The following TMEM108 variants were observed in gnomAD, a reference collection of about 807,000 sequenced individuals.
TMEM108 encodes transmembrane protein 108.
TMEM108 carries 12 observed loss-of-function variants against 35.1 expected under a neutral mutation model. That is an observed-to-expected ratio of 0.34 (90% CI 0.22 to 0.55). TMEM108 has a LOEUF of 0.55. Ranked by LOEUF, TMEM108 falls within the 20% of genes least tolerant of loss-of-function variation. The pLI is 0.89. For synonymous variants in TMEM108, 287 were observed against 308.6 expected (o/e 0.93, Z 0.73); for missense variants, 680 against 753.3 (o/e 0.90, Z 1.14).
At chr3:133,111,441 T>C (rs1944222635) in intron 2 of TMEM108, among the ~76,000 whole-genome samples, 1 of 152,138 alleles carries the variant, frequency 6.6e-6, no homozygotes, top group African/African-American at 2.4e-5. Flanking sequence ...ATCATGAGTC[T>C]CTTTAATTAG....
At chr3:133,248,414 C>T (rs536534649) in intron 3 of TMEM108, 17 of 152,298 alleles carry the variant, frequency 1.1e-4, no homozygotes, top group African/African-American at 3.6e-4. Flanking sequence ...CCCAGAGCTT[C>T]GGTAGGCACC....
intron 2 of TMEM108, among the ~76,000 whole-genome samples, chr3:133,190,259 C>CAAGGTA (rs1260684171): frequency 6.6e-6 from 1 of 152,096 alleles, no homozygotes; most frequent in African/African-American, 2.4e-5. Context: ...GGCTAATGTC[C>CAAGGTA]AAGGTAAAGG....
intron 2 of TMEM108, among the ~76,000 whole-genome samples, chr3:133,103,341 C>G (rs1325043926): frequency 6.6e-6 from 1 of 152,068 alleles, no homozygotes; most frequent in Non-Finnish European, 1.5e-5. Flanking sequence ...GAACAGAAAA[C>G]CAAATACCGC....
At chr3:133,347,516 T>A (rs1418164149) in intron 3 of TMEM108, among the ~76,000 whole-genome samples, 1 of 152,118 alleles carries the variant, frequency 6.6e-6, no homozygotes, top group African/African-American at 2.4e-5. Flanking sequence ...AGTTCCAGTA[T>A]TTTTTGTTGT....
intron 2 of TMEM108, among the ~76,000 whole-genome samples, chr3:133,070,201 A>G (rs1293912256): frequency 2.0e-5 from 3 of 152,082 alleles, no homozygotes; most frequent in South Asian, 2.1e-4. Context: ...TAATTCAAAC[A>G]TTTTGATAGC....
At chr3:133,356,536 C>A (rs141084296) in intron 3 of TMEM108, among the ~76,000 whole-genome samples, 1 of 152,134 alleles carries the variant, frequency 6.6e-6, no homozygotes, top group Admixed American at 6.6e-5. Flanking sequence ...GCAAAAAGAA[C>A]AGATCTGGAG....
intron 2 of TMEM108, among the ~76,000 whole-genome samples, chr3:133,097,761 A>C (rs1473637049): frequency 1.3e-5 from 2 of 152,206 alleles, no homozygotes; most frequent in Admixed American, 1.3e-4. Flanking sequence ...TTTGAGGATG[A>C]GGTCTATTAG....
chr3:133,379,082 G>A (rs1167653316), intron 3 of TMEM108, among the ~76,000 whole-genome samples: 3 of 152,120 alleles, frequency 2.0e-5, no homozygotes, highest in Non-Finnish European at 4.4e-5. Context: ...CTTATTTTAG[G>A]ATTGTTTGTG....
chr3:133,307,855 T>C (rs2071065824), intron 3 of TMEM108, among the ~76,000 whole-genome samples: 1 of 152,186 alleles, frequency 6.6e-6, no homozygotes, highest in African/African-American at 2.4e-5. Context: ...CCTTTTTTGG[T>C]TTCATATGAA....
chr3:133,067,445 C>G (rs879572647), intron 2 of TMEM108, among the ~76,000 whole-genome samples: 2 of 152,148 alleles, frequency 1.3e-5, no homozygotes, highest in Non-Finnish European at 2.9e-5. Flanking sequence ...CTCTCTTGTC[C>G]CTGAAGTTTT....
chr3:133,111,681 C>G (rs1467159036), intron 2 of TMEM108, among the ~76,000 whole-genome samples: 1 of 152,084 alleles, frequency 6.6e-6, no homozygotes, highest in Non-Finnish European at 1.5e-5. Flanking sequence ...AGAAACAGGG[C>G]AAAGAATACA....
chr3:133,218,486 A>G (rs1945941169), intron 2 of TMEM108, among the ~76,000 whole-genome samples: 1 of 151,936 alleles, frequency 6.6e-6, no homozygotes, highest in Non-Finnish European at 1.5e-5. Context: ...CCTGATCTTA[A>G]AGGAAAAGCT....
intron 3 of TMEM108, among the ~76,000 whole-genome samples, chr3:133,254,619 G>GA (rs1482815461): frequency 3.3e-5 from 5 of 151,376 alleles, no homozygotes; most frequent in East Asian, 1.9e-4. Flanking sequence ...AGGGAGAGGA[G>GA]AAAAAAAAGA....
At chr3:133,282,402 G>C (rs534016533) in intron 3 of TMEM108, among the ~76,000 whole-genome samples, 1 of 152,316 alleles carries the variant, frequency 6.6e-6, no homozygotes, top group Admixed American at 6.5e-5. Flanking sequence ...GCTCCCTGCT[G>C]GATTCCAGAG....
At chr3:133,202,432 A>C (rs746191286) in intron 2 of TMEM108, among the ~76,000 whole-genome samples, 1 of 152,046 alleles carries the variant, frequency 6.6e-6, no homozygotes, top group Non-Finnish European at 1.5e-5. Context: ...TTAGGTCTAA[A>C]ACTTAAGTCT....
chr3:133,166,164 G>T (rs528534465), intron 2 of TMEM108, among the ~76,000 whole-genome samples: 1 of 152,324 alleles, frequency 6.6e-6, no homozygotes, highest in East Asian at 1.9e-4. Flanking sequence ...TAAAAACCTT[G>T]TGACAATTAA....
Position 133,380,561 on chromosome 3 carries a change from G to A in TMEM108, c.850G>A (p.Ala284Thr), listed in dbSNP as rs1298588274. The A allele has an allele frequency of 3.1e-6, 5 of 1,613,704 alleles. No homozygotes were observed. In the Admixed American group the frequency reaches 6.7e-5, roughly 22 times the overall value. Residue 284 changes from alanine (A) to threonine (T), a missense_variant, in exon 4 of 6, where the codon GCC (alanine) becomes ACC (threonine). This residue lies in a region of TMEM108 where 526 missense variants were observed against 532.1 expected (regional missense o/e 0.99). Coordinates refer to ENST00000321871, the MANE Select transcript of TMEM108 (RefSeq NM_023943.4). The surrounding 1 kb of genome is among the most constrained non-coding windows in gnomAD (Gnocchi z 5.3). ...GGACAAGCCAGGCCTTCGCAGAGCA[G>A]CCCAGGGGGGTGGTTCTACCTTCAC... ...AKDKPGLRRA[A>T]QGGGSTFTSQ...
intron 2 of TMEM108, among the ~76,000 whole-genome samples, chr3:133,186,728 T>A (rs1325521496): frequency 6.6e-6 from 1 of 152,206 alleles, no homozygotes. Context: ...CTTTTCTAAT[T>A]GTAGGTTTCA....
At chr3:133,310,891 T>G (rs1028809198) in intron 3 of TMEM108, among the ~76,000 whole-genome samples, 13 of 152,210 alleles carry the variant, frequency 8.5e-5, no homozygotes, top group Non-Finnish European at 7.3e-5. Context: ...TAGTGCTTCC[T>G]TCAGGAGCTC....
Sources: gnomAD v4.1 joint callset for allele counts (sites outside exome capture counted in the v4.1 genomes callset) on GRCh38, gnomAD v4.1.1 for gene constraint, gnomAD v4.1.1 regional missense constraint, Gnocchi (gnomAD v3.1) non-coding constraint, MANE v1.5 for transcripts, NCBI Gene and HGNC (gene_info 2026-07-23, HGNC 2026-07-21) for gene names.